FOXRED2: variants seen among roughly 807,000 people sequenced by gnomAD.
FOXRED2 encodes FAD-dependent oxidoreductase domain-containing protein 2.
Under a neutral mutation model 52.5 loss-of-function variants are expected in FOXRED2, and 32 were observed. The observed-to-expected ratio is 0.61, with a 90% CI of 0.46 to 0.82. The LOEUF (loss-of-function observed/expected upper bound fraction) is 0.82, where lower values mean the gene tolerates loss of function less well. FOXRED2 is among the 40% of genes least tolerant of loss of function. The pLI, the probability that FOXRED2 is intolerant of heterozygous loss-of-function variation, is 0.00. For synonymous variants in FOXRED2, 405 were observed against 398.1 expected (o/e 1.02, Z -0.21); for missense variants, 848 against 937.5 (o/e 0.90, Z 1.25).
At chr22:36,498,285 C>A in intron 5 of FOXRED2, 129 bp from the exon 6 acceptor site, 1 of 1,065,722 alleles carries the variant, frequency 9.4e-7, no homozygotes, top group Non-Finnish European at 1.3e-6. Flanking sequence ...CCAGCGCAAA[C>A]GCCTAGGTGG....
At chr22:36,502,269 G>A (rs1231302123) in intron 4 of FOXRED2, among the ~76,000 whole-genome samples, 1 of 152,184 alleles carries the variant, frequency 6.6e-6, no homozygotes, top group African/African-American at 2.4e-5. Context: ...GGAGGGTCTG[G>A]ACAGGCACAC....
Position 36,504,356 on chromosome 22 carries a change from T to C in FOXRED2, c.791A>G (p.Asn264Ser), listed in dbSNP as rs1417838583. The C allele has an allele frequency of 1.5e-5, 25 of 1,613,840 alleles. No individual in the cohort carries two copies. The East Asian group carries it at 2.0e-4, about 13-fold the overall frequency. ...GAGCTGGTAGGTATCCAGCAGGCCATTGTTGATGGCTCTGAGCCCACAGAG... is the reference window on the plus strand; with the variant it reads ...GAGCTGGTAGGTATCCAGCAGGCCACTGTTGATGGCTCTGAGCCCACAGAG... ...HYVGDLRAIN[N>S]GLLDTYQLKS... Residue 264 changes from asparagine to serine, a missense_variant, in exon 4 of 9, where the codon AAT becomes AGT. Coordinates refer to ENST00000397224, the MANE Select transcript of FOXRED2 (RefSeq NM_001102371.2).
chr22:36,488,966 A>G lies in FOXRED2; in HGVS notation c.*1042T>C, dbSNP rs1933676869. On this transcript the variant is annotated 3_prime_UTR_variant, in exon 9 of 9. Coordinates refer to ENST00000397224, the MANE Select transcript of FOXRED2 (RefSeq NM_001102371.2). ...ACTGTGATTATCTTATGCACTTACAAATGAGACTAAGACGCCTGATGGGAA... is the reference window on the plus strand; with the variant it reads ...ACTGTGATTATCTTATGCACTTACAGATGAGACTAAGACGCCTGATGGGAA... The G allele has an allele frequency of 6.6e-6, 1 of 152,226 alleles. No homozygotes were observed. The highest frequency in any genetic ancestry group is 2.4e-5 in the African/African-American group (1 of 41,444). 9.4% of individuals were successfully genotyped at this position (152,226 alleles called of 1,614,324 possible). A position where few individuals can be genotyped will look rare whatever the true frequency, so the allele number is the denominator to read the frequency against.
chr22:36,504,399 C>G, intron 3 of FOXRED2, 32 bp from the exon 4 acceptor site: 2 of 1,611,130 alleles, frequency 1.2e-6, no homozygotes, highest in Non-Finnish European at 1.7e-6. Flanking sequence ...GGGAGAGAGA[C>G]TCAGAGGAAA....
chr22:36,497,752 C>T (rs956097357), intron 6 of FOXRED2, among the ~76,000 whole-genome samples: 8 of 152,204 alleles, frequency 5.3e-5, no homozygotes, highest in African/African-American at 1.7e-4. Flanking sequence ...GCACAATTAT[C>T]CCCATTTTGC....
rs898415365 is a variant in FOXRED2, at chr22:36,487,952, C to G, written c.*2056G>C. On this transcript the variant is annotated 3_prime_UTR_variant, in exon 9 of 9. Transcript: ENST00000397224. Reference sequence around the variant, plus strand: ...ACTAAAAATACAAAAATTAGCTGGGCGTGGTGGCAGGCGCTTGTAATCCCA... The same window carrying G: ...ACTAAAAATACAAAAATTAGCTGGGGGTGGTGGCAGGCGCTTGTAATCCCA... The G allele has an allele frequency of 6.6e-6, 1 of 152,018 alleles. No homozygotes were observed. Among genetic ancestry groups the G allele is most frequent in the African/African-American group, 2.4e-5 (1 of 41,370 alleles). 9.4% of individuals were successfully genotyped at this position (152,018 alleles called of 1,614,324 possible). A position where few individuals can be genotyped will look rare whatever the true frequency, so the allele number is the denominator to read the frequency against.
rs781086117 is a variant in FOXRED2 at position 36,506,007 on chromosome 22, C to T, written c.416G>A (p.Arg139His). The T allele has an allele frequency of 2.5e-6, 4 of 1,614,220 alleles. No homozygotes were observed. In the Admixed American group the frequency reaches 5.0e-5, roughly 20 times the overall value. Residue 139 changes from arginine to histidine, a missense_variant, in exon 2 of 9, where the codon CGT becomes CAT. Physicochemically the swap from Arg to His is conservative, Grantham distance 29 (BLOSUM62 0). Coordinates refer to ENST00000397224, the MANE Select transcript of FOXRED2 (RefSeq NM_001102371.2). ...LGDFADTLGL[R>H]VQYNTTIAHV... ...GGCGATGGTGGTGTTGTACTGGACACGGAGCCCCAGCGTGTCCGCGAAGTC... is the reference window on the plus strand; with the variant it reads ...GGCGATGGTGGTGTTGTACTGGACATGGAGCCCCAGCGTGTCCGCGAAGTC...
intron 2 of FOXRED2, among the ~76,000 whole-genome samples, chr22:36,505,628 G>A (rs1367879166): frequency 2.0e-5 from 3 of 152,102 alleles, no homozygotes; most frequent in Non-Finnish European, 2.9e-5. Flanking sequence ...AAAATTAGCC[G>A]GGTGTGGTGG....
intron 5 of FOXRED2, 119 bp downstream of exon 5, chr22:36,501,122 C>T (rs1934030559): frequency 9.6e-7 from 1 of 1,039,734 alleles, no homozygotes; most frequent in African/African-American, 1.6e-5. Context: ...CAATTTATGA[C>T]AATGAGCTAC....
In FOXRED2 at chr22:36,504,202, G is replaced by A; in HGVS notation, c.945C>T (p.Ser315=). The A allele has an allele frequency of 1.2e-6, 2 of 1,614,228 alleles. No individual in the cohort carries two copies. Among genetic ancestry groups the A allele is most frequent in the Non-Finnish European group, 1.7e-6 (2 of 1,180,044 alleles). ...CATTGTCGTCCTGGGGGAGGGTGAT[G>A]GAGTCGGCACTCTGGTTGGTGTTGG... ...EEANTNQSAD[S]ITLPQDDNDN... Residue 315 remains serine, a synonymous_variant, in exon 4 of 9, where the codon TCC becomes TCT. Coordinates refer to ENST00000397224, the MANE Select transcript of FOXRED2 (RefSeq NM_001102371.2).
intron 2 of FOXRED2, 100 bp downstream of exon 2, chr22:36,505,796 T>A: frequency 7.9e-7 from 1 of 1,271,286 alleles, no homozygotes; most frequent in Non-Finnish European, 1.1e-6. Flanking sequence ...CGAAATACCC[T>A]TTTTCGTCCA....
At chr22:36,501,147 C>G (rs1285142594) in intron 5 of FOXRED2, 94 bp downstream of exon 5, 2 of 1,316,174 alleles carry the variant, frequency 1.5e-6, no homozygotes, top group Non-Finnish European at 1.1e-6. Context: ...AAGCAATCCC[C>G]TAATGCTTCT....
chr22:36,492,306 C>G (rs1933776843), intron 8 of FOXRED2, among the ~76,000 whole-genome samples: 1 of 152,212 alleles, frequency 6.6e-6, no homozygotes, highest in South Asian at 2.1e-4. Context: ...TGCACATCAG[C>G]TACAGTAACA....
intron 8 of FOXRED2, among the ~76,000 whole-genome samples, chr22:36,493,363 C>T (rs544605362): frequency 4.6e-5 from 7 of 151,244 alleles, no homozygotes; most frequent in South Asian, 2.1e-4. Context: ...CGCTTGAACC[C>T]GGGAGGCGGA....
Position 36,496,184 on chromosome 22 carries a change from C to T in FOXRED2, c.1407G>A (p.Leu469=), listed in dbSNP as rs1473456674. The part of the protein sequence containing the change: ...LKENSTAFEY[L]EEFPIQMLAQ... The stretch of plus-strand genomic sequence containing the variant: ...CCAGCATCTGTATGGGGAACTCCTC[C>T]AGGTACTCAAAGGCCGTGGAATTCC... The change falls in exon 7 of 9, where the codon CTG becomes CTA. Residue 469 remains leucine, a synonymous_variant. Coordinates refer to ENST00000397224, the MANE Select transcript of FOXRED2 (RefSeq NM_001102371.2). The T allele has an allele frequency of 1.2e-6, 2 of 1,613,966 alleles. No homozygotes were observed. The highest frequency in any genetic ancestry group is 1.7e-6 in the Non-Finnish European group (2 of 1,180,024).
Position 36,489,763 on chromosome 22 carries a change from G to T in FOXRED2, c.*245C>A. On this transcript the variant is annotated 3_prime_UTR_variant, in exon 9 of 9. Coordinates refer to ENST00000397224, the MANE Select transcript of FOXRED2 (RefSeq NM_001102371.2). ...CTCCATTGCAGACAAACTGGGCTGG[G>T]GAAGGCAGCTCCCACCTGGCAGAGG... The T allele has an allele frequency of 2.3e-6, 1 of 436,148 alleles. No homozygotes were observed. Among genetic ancestry groups the T allele is most frequent in the Non-Finnish European group, 4.1e-6 (1 of 243,834 alleles). The allele number at this position is 436,148 out of a possible 1,614,324, so 27.0% of individuals were successfully genotyped here.
Position 36,506,177 on chromosome 22 carries a change from G to T in FOXRED2, c.246C>A (p.Asn82Lys). 2 of 1,614,244 alleles carry T rather than the reference G, an allele frequency of 1.2e-6. No homozygotes were observed. The highest frequency in any genetic ancestry group is 1.7e-6 in the Non-Finnish European group (2 of 1,180,030). ...CGTTAGCCTTGCCCGTGTACCGCTTGTTGATGCTGATGAGCTTGCGGTGCC... is the reference window on the plus strand; with the variant it reads ...CGTTAGCCTTGCCCGTGTACCGCTTTTTGATGCTGATGAGCTTGCGGTGCC... ...YPRHRKLISINKRYTGKANAE... is the reference protein window; with the variant it reads ...YPRHRKLISIKKRYTGKANAE... Residue 82 changes from asparagine to lysine, a missense_variant, in exon 2 of 9, where the codon AAC (asparagine) becomes AAA (lysine). Asn to Lys is a moderately conservative substitution (Grantham distance 94, BLOSUM62 0). Coordinates refer to ENST00000397224, the MANE Select transcript of FOXRED2 (RefSeq NM_001102371.2).
At position 36,495,093 on chromosome 22, in the gene FOXRED2, G is replaced by A. The variant is rs1375207831; in HGVS notation, c.1624+874C>T. 1.3e-5 allele frequency among the ~76,000 whole-genome samples: 2 copies of A among 152,156 alleles called. 1 individual carries two copies. The highest frequency in any genetic ancestry group is 1.3e-4 in the Admixed American group (2 of 15,268). ...AGCCTCCTGAATAGCTGGGATTACA[G>A]GCATGTGCCACCATGCCCAGCTAAT... On this transcript the variant is annotated intron_variant, in intron 7 of 8. Transcript: ENST00000397224.
At chr22:36,492,750 T>G (rs561674635) in intron 8 of FOXRED2, among the ~76,000 whole-genome samples, 10 of 152,298 alleles carry the variant, frequency 6.6e-5, no homozygotes, top group African/African-American at 2.4e-4. Flanking sequence ...ACTCCTGACC[T>G]CAGGTGATCC....
Sources: gnomAD v4.1 joint callset for allele counts (sites outside exome capture counted in the v4.1 genomes callset) on GRCh38, gnomAD v4.1.1 for gene constraint, MANE v1.5 for transcripts, NCBI Gene and HGNC (gene_info 2026-07-23, HGNC 2026-07-21) for gene names.